Variants in RADX observed in about 807,000 individuals in gnomAD.
The protein encoded by RADX is RPA-related protein RADX.
In RADX, 36 loss-of-function variants were observed where a neutral mutation model predicts 61.6. The ratio of observed to expected loss-of-function variants is 0.58; its 90% CI spans 0.45 to 0.77. The LOEUF (loss-of-function observed/expected upper bound fraction) is 0.77. RADX is among the 30% of genes least tolerant of loss of function. The pLI is 0.00. For synonymous variants in RADX, 272 were observed against 237.9 expected (o/e 1.14, Z -1.32); for missense variants, 497 against 651.1 (o/e 0.76, Z 2.58).
chrX:106,664,752 T>C (rs1472792567), intron 12 of RADX, among the ~76,000 whole-genome samples: 1 of 109,628 alleles, frequency 9.1e-6, no homozygotes, highest in Non-Finnish European at 1.9e-5. Context: ...AAGAGGCCTA[T>C]TCCTACTTCT....
In RADX at chrX:106,612,521, C is replaced by A. The variant is rs756351054; in HGVS notation, c.441C>A (p.Ile147=). Residue 147 remains isoleucine, a synonymous_variant, in exon 1 of 14, where the codon ATC becomes ATA. Transcript: ENST00000372548. ...LYNEKRIGQG[I]LCIDNVHCGE... ...ATGAGAAAAGGATAGGCCAGGGGAT[C>A]CTGTGCATAGATAACGTCCACTGTG... 1 of 1,210,880 alleles carries A rather than the reference C, an allele frequency of 8.3e-7. No individual in the cohort carries two copies. Among genetic ancestry groups the A allele is most frequent in the Non-Finnish European group, 1.1e-6 (1 of 894,762 alleles).
At chrX:106,663,406 G>A (rs1014779451) in intron 12 of RADX, among the ~76,000 whole-genome samples, 1 of 111,342 alleles carries the variant, frequency 9.0e-6, no homozygotes, top group Non-Finnish European at 1.9e-5. Context: ...TCACTAGAAT[G>A]TATTACTTGG....
At chrX:106,669,120 T>C in intron 12 of RADX, 43 bp from the exon 13 acceptor site, 1 of 1,092,035 alleles carries the variant, frequency 9.2e-7, no homozygotes, top group South Asian at 1.9e-5. Flanking sequence ...CACCACATGC[T>C]AACCCACTGA....
At chrX:106,632,321 A>T (rs746791106) in intron 3 of RADX, among the ~76,000 whole-genome samples, 7 of 111,883 alleles carry the variant, frequency 6.3e-5, no homozygotes, top group African/African-American at 2.3e-4. Flanking sequence ...ATATAATTTC[A>T]CTCATATGAA....
intron 12 of RADX, among the ~76,000 whole-genome samples, chrX:106,665,169 T>C (rs1928198238): frequency 8.9e-6 from 1 of 112,011 alleles, no homozygotes; most frequent in Admixed American, 9.5e-5. Context: ...GGAATAAATC[T>C]CTTATTACTG....
intron 11 of RADX, among the ~76,000 whole-genome samples, chrX:106,661,769 A>C (rs7880708): frequency 0.11 from 12,247 of 111,739 alleles, 1,646 homozygotes; most frequent in African/African-American, 0.38. Flanking sequence ...CTACATAATT[A>C]CAACAACAGA....
chrX:106,654,454 C>T (rs750459653), intron 11 of RADX, among the ~76,000 whole-genome samples: 9 of 111,091 alleles, frequency 8.1e-5, no homozygotes, highest in Non-Finnish European at 1.1e-4. Flanking sequence ...TAACACCACA[C>T]GTCTACAACC....
At chrX:106,656,293 A>G (rs1294620480) in intron 11 of RADX, among the ~76,000 whole-genome samples, 2 of 111,599 alleles carry the variant, frequency 1.8e-5, no homozygotes, top group African/African-American at 6.5e-5. Context: ...TTCTCCTGCC[A>G]TTTCCACCAC....
At chrX:106,643,677 C>T (rs1927584904) in intron 10 of RADX, among the ~76,000 whole-genome samples, 1 of 111,030 alleles carries the variant, frequency 9.0e-6, no homozygotes, top group African/African-American at 3.3e-5. Flanking sequence ...TTGAAATGAT[C>T]GTATGGTTTT....
intron 3 of RADX, among the ~76,000 whole-genome samples, chrX:106,626,778 C>T (rs1356879743): frequency 1.8e-5 from 2 of 111,278 alleles, no homozygotes; most frequent in Admixed American, 9.6e-5. Context: ...TAAAATGTAC[C>T]TTTTGGTCTT....
At chrX:106,635,981 T>C (rs368214214) in intron 6 of RADX, among the ~76,000 whole-genome samples, 3 of 112,047 alleles carry the variant, frequency 2.7e-5, no homozygotes, top group African/African-American at 9.7e-5. Flanking sequence ...CCATTGGCCT[T>C]AAAATCTAAT....
intron 13 of RADX, among the ~76,000 whole-genome samples, chrX:106,670,799 C>G (rs899414044): frequency 2.2e-4 from 24 of 110,566 alleles, no homozygotes; most frequent in Non-Finnish European, 4.2e-4. Context: ...CAGAGAGATT[C>G]ACTAGCATGA....
intron 11 of RADX, among the ~76,000 whole-genome samples, chrX:106,657,700 G>A (rs1221769321): frequency 9.0e-6 from 1 of 111,178 alleles, no homozygotes; most frequent in African/African-American, 3.3e-5. Flanking sequence ...GGATAGACAG[G>A]GAAATGGCCA....
At position 106,639,701 on chromosome X, in the gene RADX, G is replaced by T; in HGVS notation, c.1734+14G>T. The T allele has an allele frequency of 1.8e-6, 2 of 1,142,832 alleles. No homozygotes were observed. Among genetic ancestry groups the T allele is most frequent in the South Asian group, 2.2e-5 (1 of 46,103 alleles). The allele number at this position is 1,142,832 out of a possible 1,213,427, so 94.2% of individuals were successfully genotyped here. A position where few individuals can be genotyped will look rare whatever the true frequency, so the allele number is the denominator to read the frequency against. ...GAAACACTTCGGGTATGGTGCCAGAGAATTAATAGTATTTCTCTGAAAGCA... is the reference window on the plus strand; with the variant it reads ...GAAACACTTCGGGTATGGTGCCAGATAATTAATAGTATTTCTCTGAAAGCA... On this transcript the variant is annotated intron_variant, in intron 9 of 13. Transcript: ENST00000372548.
chrX:106,663,492 A>C (rs1928154037), intron 12 of RADX, among the ~76,000 whole-genome samples: 1 of 111,818 alleles, frequency 8.9e-6, no homozygotes, highest in African/African-American at 3.2e-5. Flanking sequence ...CATCCATCAA[A>C]AAAATAATAA....
chrX:106,630,077 C>T (rs992955955), intron 3 of RADX, among the ~76,000 whole-genome samples: 4 of 111,986 alleles, frequency 3.6e-5, no homozygotes, highest in Admixed American at 1.9e-4. Flanking sequence ...AATTCCAGCA[C>T]TTTGGGAGGC....
intron 3 of RADX, among the ~76,000 whole-genome samples, chrX:106,629,080 G>A (rs970417948): frequency 1.8e-5 from 2 of 111,201 alleles, no homozygotes; most frequent in African/African-American, 6.6e-5. Flanking sequence ...TTACAAAATA[G>A]TACATAGCTG....
At chrX:106,626,520 A>G (rs545540316) in intron 3 of RADX, among the ~76,000 whole-genome samples, 2 of 111,770 alleles carry the variant, frequency 1.8e-5, no homozygotes, top group Middle Eastern at 9.4e-3. Context: ...AAGAAAACAC[A>G]GTAAAAGTTG....
chrX:106,643,632 T>C (rs898826405), intron 10 of RADX, among the ~76,000 whole-genome samples: 5 of 111,684 alleles, frequency 4.5e-5, no homozygotes, highest in Non-Finnish European at 5.7e-5. Context: ...TAAAAATGAG[T>C]TCACTTTAGG....
Sources: gnomAD v4.1 joint callset for allele counts (sites outside exome capture counted in the v4.1 genomes callset) on GRCh38, gnomAD v4.1.1 for gene constraint, MANE v1.5 for transcripts, NCBI Gene and HGNC (gene_info 2026-07-23, HGNC 2026-07-21) for gene names.